The following TFCP2L1 variants were observed in gnomAD, a reference collection of about 807,000 sequenced individuals.
The protein encoded by TFCP2L1 is transcription factor CP2-like protein 1.
TFCP2L1 carries 12 observed loss-of-function variants against 72.2 expected under a neutral mutation model. That is an observed-to-expected ratio of 0.17 (90% CI 0.11 to 0.27). TFCP2L1 has a LOEUF of 0.27. Among genes scored for constraint, TFCP2L1 ranks in the 10% least tolerant of loss-of-function variants. The pLI is 1.00. For missense variants in TFCP2L1, 488 were observed against 624.6 expected (o/e 0.78, Z 2.33); for synonymous variants, 260 against 251.0 (o/e 1.04, Z -0.34).
intron 6 of TFCP2L1, among the ~76,000 whole-genome samples, 188 bp from the exon 7 acceptor site, chr2:121,242,657 G>A (rs751973156): frequency 5.3e-5 from 8 of 152,158 alleles, no homozygotes; most frequent in Non-Finnish European, 8.8e-5. Flanking sequence ...AACCTGCCAC[G>A]GGTCATGCAC....
chr2:121,256,759 A>T (rs1198521258), intron 2 of TFCP2L1, among the ~76,000 whole-genome samples: 1 of 151,842 alleles, frequency 6.6e-6, no homozygotes, highest in Admixed American at 6.6e-5. Flanking sequence ...TGGGGCGACA[A>T]GAGCGAAACT....
At chr2:121,231,767 T>G in intron 13 of TFCP2L1, 59 bp downstream of exon 13, 1 of 1,590,416 alleles carries the variant, frequency 6.3e-7, no homozygotes, top group Non-Finnish European at 8.5e-7. Flanking sequence ...GCAGGGGTTC[T>G]GACACTCCTC....
rs1300812834 is a variant in TFCP2L1, at chr2:121,219,229, C to A, written c.*5112G>T. On this transcript the variant is annotated 3_prime_UTR_variant, in exon 15 of 15. Transcript: ENST00000263707. Reference sequence around the variant, plus strand: ...TCACACAAGATCAAAAGAGGATCATCGAGCTACCGAGGGAGCCTGTTTTCC... The same window carrying A: ...TCACACAAGATCAAAAGAGGATCATAGAGCTACCGAGGGAGCCTGTTTTCC... The A allele has an allele frequency of 6.6e-6, 1 of 152,284 alleles. No individual in the cohort carries two copies. Among genetic ancestry groups the A allele is most frequent in the East Asian group, 1.9e-4 (1 of 5,192 alleles). 9.4% of individuals were successfully genotyped at this position (152,284 alleles called of 1,614,324 possible). A position where few individuals can be genotyped will look rare whatever the true frequency, so the allele number is the denominator to read the frequency against.
chr2:121,234,202 G>A lies in TFCP2L1; in HGVS notation c.1095-8C>T, dbSNP rs375503086. 2 of 1,613,282 alleles carry A rather than the reference G, an allele frequency of 1.2e-6. No homozygotes were observed. The highest frequency in any genetic ancestry group is 1.1e-5 in the South Asian group (1 of 91,072). On this transcript the variant is annotated splice_region_variant and splice_polypyrimidine_tract_variant and intron_variant, in intron 11 of 14. Transcript: ENST00000263707. ...ATCTTTGGCCTCACATTCCTGGCAG[G>A]AGAAGAGAAAATAAATAATAGGTGT...
intron 13 of TFCP2L1, among the ~76,000 whole-genome samples, chr2:121,230,886 G>A (rs1686130450): frequency 6.6e-6 from 1 of 152,094 alleles, no homozygotes; most frequent in Non-Finnish European, 1.5e-5. Context: ...GACCAGCCTG[G>A]GCAATGCAGC....
chr2:121,237,944 CA>C, intron 8 of TFCP2L1, 94 bp from the exon 9 acceptor site: 1 of 1,325,402 alleles, frequency 7.5e-7, no homozygotes, highest in Non-Finnish European at 1.1e-6. Flanking sequence ...TACTTCCTAT[CA>C]GATGCAGGAT....
In TFCP2L1 at chr2:121,223,621, T is replaced by A. The variant is rs1685968118; in HGVS notation, c.*720A>T. On this transcript the variant is annotated 3_prime_UTR_variant, in exon 15 of 15. Transcript: ENST00000263707. ...CACAAAGGGCCTCAGAACTAATGTC[T>A]CTGAGAAAGGCCGTGCACATACATT... 6.5e-6 allele frequency: 1 copy of A among 152,768 alleles called. No individual in the cohort carries two copies. The highest frequency in any genetic ancestry group is 2.1e-4 in the South Asian group (1 of 4,838). 9.5% of individuals were successfully genotyped at this position (152,768 alleles called of 1,614,324 possible).
At chr2:121,235,726 C>T (rs1686235570) in intron 10 of TFCP2L1, among the ~76,000 whole-genome samples, 1 of 147,786 alleles carries the variant, frequency 6.8e-6, no homozygotes, top group Non-Finnish European at 1.5e-5. Flanking sequence ...GGCCTCTTCT[C>T]TTTTTTTTTT....
At chr2:121,276,600 T>C (rs1469085910) in intron 2 of TFCP2L1, among the ~76,000 whole-genome samples, 2 of 146,804 alleles carry the variant, frequency 1.4e-5, no homozygotes, top group Non-Finnish European at 3.0e-5. Flanking sequence ...GCTACTGCAC[T>C]CCAGTCGGGG....
intron 2 of TFCP2L1, among the ~76,000 whole-genome samples, chr2:121,256,816 C>T (rs150176966): frequency 0.043 from 6,541 of 151,900 alleles, 218 homozygotes; most frequent in East Asian, 0.13. Flanking sequence ...ATTACCCGGG[C>T]GTGGTGGTGG....
intron 2 of TFCP2L1, among the ~76,000 whole-genome samples, chr2:121,275,648 G>A (rs1346878171): frequency 7.0e-6 from 1 of 142,288 alleles, no homozygotes; most frequent in African/African-American, 2.6e-5. Context: ...TTGGCTCACT[G>A]CAACCTCTGC....
At chr2:121,282,985 C>G (rs1257105720) in intron 1 of TFCP2L1, among the ~76,000 whole-genome samples, 1 of 152,204 alleles carries the variant, frequency 6.6e-6, no homozygotes, top group Admixed American at 6.5e-5. Context: ...CCCCACAGGG[C>G]GTCTTCCTTT....
At chr2:121,242,836 G>C (rs116308249) in intron 6 of TFCP2L1, among the ~76,000 whole-genome samples, 3,073 of 152,238 alleles carry the variant, frequency 0.02, 99 homozygotes, top group African/African-American at 0.07. Context: ...CTTGCAACCT[G>C]AGAAATCCTG....
At chr2:121,280,999 C>A in intron 2 of TFCP2L1, 121 bp downstream of exon 2, 1 of 1,299,756 alleles carries the variant, frequency 7.7e-7, no homozygotes. Flanking sequence ...GTTCTCTTTC[C>A]CGAGCCCGAC....
At chr2:121,284,534 G>C (rs1363011273) in intron 1 of TFCP2L1, among the ~76,000 whole-genome samples, 1 of 152,346 alleles carries the variant, frequency 6.6e-6, no homozygotes, top group African/African-American at 2.4e-5. Context: ...GCGGGAAGTG[G>C]GGCGGCCTGC....
At chr2:121,282,677 A>G (rs142892804) in intron 1 of TFCP2L1, among the ~76,000 whole-genome samples, 2,432 of 152,300 alleles carry the variant, frequency 0.016, 60 homozygotes, top group Non-Finnish European at 0.022. Context: ...CAAGTGCCAA[A>G]TAAGTGCCAG....
intron 2 of TFCP2L1, among the ~76,000 whole-genome samples, chr2:121,255,351 T>C (rs1001757496): frequency 2.6e-5 from 4 of 152,064 alleles, no homozygotes; most frequent in African/African-American, 7.2e-5. Context: ...TGTTCTAATT[T>C]AGGAATTGTA....
rs1685913143 is a variant in TFCP2L1 at position 121,220,689 on chromosome 2, TG to T, written c.*3651del. 1.3e-5 allele frequency: 2 copies of T among 152,148 alleles called. No homozygotes were observed. The highest frequency in any genetic ancestry group is 4.8e-5 in the African/African-American group (2 of 41,428). 9.4% of individuals were successfully genotyped at this position (152,148 alleles called of 1,614,324 possible). A position where few individuals can be genotyped will look rare whatever the true frequency, so the allele number is the denominator to read the frequency against. On this transcript the variant is annotated 3_prime_UTR_variant, in exon 15 of 15. Coordinates refer to ENST00000263707, the MANE Select transcript of TFCP2L1 (RefSeq NM_014553.3). ...TCACAGGAAAGACCCTGGACAGCTGTGGGAAGGGCTATGGCTTTTCTGTATG... is the reference window on the plus strand; with the variant it reads ...TCACAGGAAAGACCCTGGACAGCTGTGGAAGGGCTATGGCTTTTCTGTATG...
intron 2 of TFCP2L1, among the ~76,000 whole-genome samples, chr2:121,272,763 A>T (rs1687070037): frequency 6.6e-6 from 1 of 152,190 alleles, no homozygotes; most frequent in Admixed American, 6.5e-5. Flanking sequence ...TTCTACATGC[A>T]TTAGCTCATT....
Sources: gnomAD v4.1 joint callset for allele counts (sites outside exome capture counted in the v4.1 genomes callset) on GRCh38, gnomAD v4.1.1 for gene constraint, MANE v1.5 for transcripts, NCBI Gene and HGNC (gene_info 2026-07-23, HGNC 2026-07-21) for gene names.